The following KANSL1L variants were observed in gnomAD, a reference collection of about 807,000 sequenced individuals.
KANSL1L encodes KAT8 regulatory NSL complex subunit 1-like protein.
Under a neutral mutation model 108.6 loss-of-function variants are expected in KANSL1L, and 25 were observed. That is an observed-to-expected ratio of 0.23 (90% CI 0.17 to 0.32). The LOEUF is 0.32. KANSL1L is among the 10% of genes least tolerant of loss of function. The probability of loss-of-function intolerance (pLI) is 1.00; values close to 1 mark genes in which losing one functional copy is unlikely to be tolerated. For missense variants in KANSL1L, 1,137 were observed against 1,125.7 expected (o/e 1.01, Z -0.14); for synonymous variants, 405 against 395.1 (o/e 1.03, Z -0.30).
intron 8 of KANSL1L, among the ~76,000 whole-genome samples, chr2:210,038,761 A>G (rs1664195477): frequency 6.6e-6 from 1 of 152,000 alleles, no homozygotes; most frequent in Admixed American, 6.5e-5. Flanking sequence ...AAACTTAGTT[A>G]TATAGAGCAT....
At chr2:210,136,304 A>C (rs1481842677) in intron 2 of KANSL1L, among the ~76,000 whole-genome samples, 4 of 152,086 alleles carry the variant, frequency 2.6e-5, no homozygotes, top group Non-Finnish European at 4.4e-5. Context: ...AAAAAAAAGA[A>C]AAAAAAGGAG....
At chr2:210,083,598 T>C (rs992019982) in intron 5 of KANSL1L, among the ~76,000 whole-genome samples, 7 of 151,908 alleles carry the variant, frequency 4.6e-5, no homozygotes, top group Non-Finnish European at 2.9e-5. Context: ...GTAATCAAAT[T>C]TGGGTGGATC....
At chr2:210,036,266 C>T (rs2094102506) in intron 8 of KANSL1L, among the ~76,000 whole-genome samples, 1 of 152,186 alleles carries the variant, frequency 6.6e-6, no homozygotes, top group African/African-American at 2.4e-5. Flanking sequence ...ATTGCAGCCT[C>T]AAGCTCCTGG....
chr2:210,103,386 G>C (rs962558647), intron 4 of KANSL1L, among the ~76,000 whole-genome samples: 1 of 152,122 alleles, frequency 6.6e-6, no homozygotes, highest in Non-Finnish European at 1.5e-5. Context: ...GAGTTAATGG[G>C]TGCAGCACAC....
At chr2:210,119,940 C>T (rs939187714) in intron 3 of KANSL1L, among the ~76,000 whole-genome samples, 9 of 152,106 alleles carry the variant, frequency 5.9e-5, no homozygotes, top group Admixed American at 5.9e-4. Flanking sequence ...TACTACAGGG[C>T]TATTGGAACC....
intron 3 of KANSL1L, among the ~76,000 whole-genome samples, chr2:210,126,953 G>T (rs776203947): frequency 6.6e-6 from 1 of 152,056 alleles, no homozygotes; most frequent in Non-Finnish European, 1.5e-5. Flanking sequence ...TAGCACTTTG[G>T]GAGGCTGAGG....
chr2:210,120,188 G>A lies in KANSL1L; in HGVS notation c.1230+8843C>T, dbSNP rs146922721. Among the ~76,000 whole-genome samples the A allele has an allele frequency of 5.3e-3, 812 of 152,184 alleles. 2 individuals carry two copies. The highest frequency in any genetic ancestry group is 0.029 in the East Asian group (148 of 5,162). Reference sequence around the variant, plus strand: ...GTGGACTGCCTCAGCTCAGGAGTTCGAGACCAGCCTGGGCAACACAGTGAA... The same window carrying A: ...GTGGACTGCCTCAGCTCAGGAGTTCAAGACCAGCCTGGGCAACACAGTGAA... On this transcript the variant is annotated intron_variant, in intron 3 of 14. Coordinates refer to ENST00000281772, the MANE Select transcript of KANSL1L (RefSeq NM_152519.4).
At position 210,145,179 on chromosome 2, in the gene KANSL1L, C is replaced by T. The variant is rs563802008; in HGVS notation, c.1088+8316G>A. Among the ~76,000 whole-genome samples the T allele has an allele frequency of 5.5e-4, 84 of 152,306 alleles. 1 individual carries two copies. The highest frequency in any genetic ancestry group is 1.1e-3 in the African/African-American group (47 of 41,572). ...CTCCAGTCACGAAGACTGGTGGGGT[C>T]GGTCCTCCTCATCTCTTTTTCTCCT... On this transcript the variant is annotated intron_variant, in intron 2 of 14. Transcript: ENST00000281772.
At chr2:210,057,143 T>G (rs1264536575) in intron 6 of KANSL1L, among the ~76,000 whole-genome samples, 1 of 152,212 alleles carries the variant, frequency 6.6e-6, no homozygotes, top group African/African-American at 2.4e-5. Context: ...ATTTCACACC[T>G]GTAATCCCAG....
At chr2:210,155,602 G>A (rs957782178) in intron 1 of KANSL1L, among the ~76,000 whole-genome samples, 2 of 152,190 alleles carry the variant, frequency 1.3e-5, no homozygotes, top group Non-Finnish European at 2.9e-5. Flanking sequence ...AGCGGAGACA[G>A]TGTCAGATAA....
intron 6 of KANSL1L, among the ~76,000 whole-genome samples, chr2:210,055,110 G>T (rs1280488563): frequency 6.6e-6 from 1 of 152,202 alleles, no homozygotes; most frequent in African/African-American, 2.4e-5. Context: ...CATAGGGGTA[G>T]TTACCCCCAT....
chr2:210,103,264 C>A (rs1478040878), intron 4 of KANSL1L, among the ~76,000 whole-genome samples: 2 of 141,432 alleles, frequency 1.4e-5, no homozygotes, highest in African/African-American at 5.3e-5. Context: ...GGGAAATGAA[C>A]AATGAGAAGA....
chr2:210,023,193 A>C lies in KANSL1L; in HGVS notation c.2734-14T>G. 1 of 1,598,326 alleles carries C rather than the reference A, an allele frequency of 6.3e-7. No homozygotes were observed. Among genetic ancestry groups the C allele is most frequent in the Non-Finnish European group, 8.6e-7 (1 of 1,166,092 alleles). The stretch of plus-strand genomic sequence containing the variant: ...CCACCACAAAGACTGAAAGGGGAAA[A>C]ATTTTCAGTTAAGTTTCAACTAACT... On this transcript the variant is annotated splice_polypyrimidine_tract_variant and intron_variant, in intron 14 of 14. Coordinates refer to ENST00000281772, the MANE Select transcript of KANSL1L (RefSeq NM_152519.4).
chr2:210,135,759 C>T (rs1333877744), intron 2 of KANSL1L, among the ~76,000 whole-genome samples: 2 of 152,122 alleles, frequency 1.3e-5, no homozygotes, highest in African/African-American at 4.8e-5. Context: ...ATGTTGACTT[C>T]TCCTTGTTAT....
intron 5 of KANSL1L, among the ~76,000 whole-genome samples, chr2:210,078,074 T>C (rs2094555004): frequency 6.6e-6 from 1 of 152,240 alleles, no homozygotes; most frequent in African/African-American, 2.4e-5. Flanking sequence ...CTATATGGTA[T>C]AGCCTCTTGC....
rs138434665 is a variant in KANSL1L at position 210,024,194 on chromosome 2, T to C, written c.2572A>G (p.Ser858Gly). ...KWHRRNSRAYSKNVEGQDLLL... is the reference protein window; with the variant it reads ...KWHRRNSRAYGKNVEGQDLLL... ...AAGTCCTGTCCTTCAACATTTTTAC[T>C]GTAAGCTCTAGCAAGAAAATCAGGA... The change falls in exon 14 of 15, where the codon AGT (serine) becomes GGT (glycine). Residue 858 changes from serine (S) to glycine (G), a missense_variant. Around this residue, in one of 3 missense-constraint regions of KANSL1L, gnomAD observed 575 missense variants for 567.1 expected, o/e 1.01. Coordinates refer to ENST00000281772, the MANE Select transcript of KANSL1L (RefSeq NM_152519.4). 9 of 1,565,394 alleles carry C rather than the reference T, an allele frequency of 5.7e-6. No individual in the cohort carries two copies. Among genetic ancestry groups the C allele is most frequent in the Non-Finnish European group, 7.8e-6 (9 of 1,159,454 alleles).
intron 1 of KANSL1L, among the ~76,000 whole-genome samples, chr2:210,164,229 G>A (rs893284537): frequency 3.3e-5 from 5 of 152,018 alleles, no homozygotes; most frequent in African/African-American, 4.8e-5. Context: ...CTTGTAACCA[G>A]GGATCAACTA....
At chr2:210,156,876 TATA>T (rs1003373007) in intron 1 of KANSL1L, among the ~76,000 whole-genome samples, 11 of 152,156 alleles carry the variant, frequency 7.2e-5, no homozygotes, top group Admixed American at 1.3e-4. Context: ...CACTTTATTG[TATA>T]ATGTCTCAAA....
In KANSL1L at chr2:210,043,957, C is replaced by T; in HGVS notation, c.1903G>A (p.Val635Ile). ...VSELDSSFHS[V>I]LSLPSDVPLH... ...GGCTTACCTGATGGCAATGATAGAA[C>T]AGAATGGAAAGAGGAATCTAACTCT... Residue 635 changes from valine to isoleucine, a missense_variant, in exon 7 of 15, where the codon GTT becomes ATT. Around this residue, in one of 3 missense-constraint regions of KANSL1L, gnomAD observed 575 missense variants for 567.1 expected, o/e 1.01. Transcript: ENST00000281772. 1 of 1,595,834 alleles carries T rather than the reference C, an allele frequency of 6.3e-7. No individual in the cohort carries two copies. The highest frequency in any genetic ancestry group is 8.5e-7 in the Non-Finnish European group (1 of 1,171,326).
Sources: allele counts gnomAD v4.1 joint callset (sites outside exome capture counted in the v4.1 genomes callset), GRCh38; gene constraint gnomAD v4.1.1; regional missense constraint gnomAD v4.1.1; transcripts MANE v1.5; gene names NCBI Gene and HGNC (gene_info 2026-07-23, HGNC 2026-07-21).